ARAP2: variants seen among roughly 807,000 people sequenced by gnomAD.
ARAP2 encodes the protein ArfGAP with RhoGAP domain, ankyrin repeat and PH domain 2, also known as arf-GAP with Rho-GAP domain, ANK repeat and PH domain-containing protein 2.
ARAP2 carries 148 observed loss-of-function variants against 194.5 expected under a neutral mutation model. The ratio of observed to expected loss-of-function variants is 0.76; its 90% CI spans 0.67 to 0.87. The LOEUF is 0.87. Among genes scored for constraint, ARAP2 ranks in the 40% least tolerant of loss-of-function variants. The probability of loss-of-function intolerance (pLI) is 0.00; values close to 1 mark genes in which losing one functional copy is unlikely to be tolerated. For synonymous variants in ARAP2, 695 were observed against 683.5 expected (o/e 1.02, Z -0.26); for missense variants, 2,128 against 1,989.7 (o/e 1.07, Z -1.32).
intron 9 of ARAP2, among the ~76,000 whole-genome samples, chr4:36,167,583 AT>A (rs2109808877): frequency 6.6e-6 from 1 of 152,112 alleles, no homozygotes; most frequent in Non-Finnish European, 1.5e-5. Flanking sequence ...GTTTATCATT[AT>A]TTTTCCCCTC....
intron 30 of ARAP2, 134 bp from the exon 31 acceptor site, chr4:36,080,413 G>A (rs372442165): frequency 5.5e-5 from 37 of 667,904 alleles, no homozygotes; most frequent in Admixed American, 2.0e-4. Context: ...TCACAAAAGT[G>A]GAACATTTCA....
intron 8 of ARAP2, 110 bp downstream of exon 8, chr4:36,187,341 A>G (rs906569079): frequency 1.8e-6 from 1 of 553,104 alleles, no homozygotes; most frequent in Non-Finnish European, 2.8e-6. Context: ...AATGTAAATT[A>G]TCAAAAAGTA....
At chr4:36,062,662 G>GTGTT (rs760763090), downstream of ARAP2, among the ~76,000 whole-genome samples, 17 of 146,226 alleles carry the variant, frequency 1.2e-4, no homozygotes, top group African/African-American at 4.0e-4. Flanking sequence ...GTGTGTGTGT[G>GTGTT]TATAAAACAG....
At chr4:36,060,869 T>C (rs1190014548) in intron 1 of ARAP2, among the ~76,000 whole-genome samples, 2 of 152,142 alleles carry the variant, frequency 1.3e-5, no homozygotes, top group Non-Finnish European at 2.9e-5. Flanking sequence ...TCCTAATAAC[T>C]TCATTTTAAC....
At chr4:36,015,233 T>C (rs1489726837) in intron 8 of ARAP2, among the ~76,000 whole-genome samples, 2 of 152,214 alleles carry the variant, frequency 1.3e-5, no homozygotes, top group Non-Finnish European at 2.9e-5. Context: ...TCAAAATGCT[T>C]ACATAAATGA....
At chr4:36,062,642 G>GTA (rs983532276), downstream of ARAP2, among the ~76,000 whole-genome samples, 5 of 149,622 alleles carry the variant, frequency 3.3e-5, no homozygotes, top group African/African-American at 1.3e-4. Context: ...GAGTGTGTGT[G>GTA]TGTGTGTGTG....
At chr4:36,187,943 T>C (rs758184647) in intron 7 of ARAP2, among the ~76,000 whole-genome samples, 36 of 152,324 alleles carry the variant, frequency 2.4e-4, no homozygotes, top group Non-Finnish European at 4.7e-4. Flanking sequence ...CCACAACAGG[T>C]ACTGTAACTG....
chr4:36,184,517 A>T (rs1740058471), intron 8 of ARAP2, among the ~76,000 whole-genome samples: 1 of 152,244 alleles, frequency 6.6e-6, no homozygotes, highest in Non-Finnish European at 1.5e-5. Context: ...CCAAGTTTAT[A>T]TCAGAAAGAT....
chr4:36,096,477 A>G (rs10010705), intron 27 of ARAP2, among the ~76,000 whole-genome samples: 23,369 of 151,900 alleles, frequency 0.15, 4,026 homozygotes, highest in African/African-American at 0.43. Flanking sequence ...CACACCTAAA[A>G]TTAGCATAAG....
In ARAP2 at chr4:36,136,919, T is replaced by C. The variant is rs1479496952; in HGVS notation, c.3264-3530A>G. ...CACACTATTAGAATGGACACACACATACACGCGCGCGCGCACACACACACA... is the reference window on the plus strand; with the variant it reads ...CACACTATTAGAATGGACACACACACACACGCGCGCGCGCACACACACACA... On this transcript the variant is annotated intron_variant, in intron 19 of 32. Coordinates refer to ENST00000303965, the MANE Select transcript of ARAP2 (RefSeq NM_015230.4). 1.2e-4 allele frequency among the ~76,000 whole-genome samples: 9 copies of C among 75,890 alleles called. No individual in the cohort carries two copies. The East Asian group carries it at 3.6e-3, about 30-fold the overall frequency. 49.8% of individuals were successfully genotyped at this position (75,890 alleles called of 152,430 possible).
chr4:36,029,705 T>G (rs956741688), intron 5 of ARAP2, among the ~76,000 whole-genome samples: 1 of 151,964 alleles, frequency 6.6e-6, no homozygotes, highest in African/African-American at 2.4e-5. Flanking sequence ...TCTTTTCTAT[T>G]TTTCTTTGTT....
intron 16 of ARAP2, 104 bp from the exon 17 acceptor site, chr4:36,148,611 C>A (rs368334455): frequency 1.2e-6 from 1 of 818,202 alleles, no homozygotes; most frequent in Non-Finnish European, 1.9e-6. Context: ...TTAAAATAAA[C>A]TAATGTTATG....
downstream of ARAP2, among the ~76,000 whole-genome samples, chr4:36,062,150 T>C (rs1307718784): frequency 6.6e-6 from 1 of 152,228 alleles, no homozygotes; most frequent in Non-Finnish European, 1.5e-5. Flanking sequence ...TTTAACCTGA[T>C]GTGATCCCAT....
intron 15 of ARAP2, among the ~76,000 whole-genome samples, chr4:36,152,263 GT>G (rs1258366447): frequency 1.3e-5 from 2 of 152,150 alleles, no homozygotes; most frequent in African/African-American, 4.8e-5. Flanking sequence ...GCAATTCCTG[GT>G]CAAAGGTGAA....
At chr4:36,056,315 C>A (rs948942357) in intron 2 of ARAP2, among the ~76,000 whole-genome samples, 14 of 152,164 alleles carry the variant, frequency 9.2e-5, no homozygotes, top group Admixed American at 2.6e-4. Context: ...AACGTGAAAC[C>A]TGGACTGTGA....
chr4:36,234,331 A>G (rs1481520763), intron 1 of ARAP2, among the ~76,000 whole-genome samples: 2 of 152,188 alleles, frequency 1.3e-5, no homozygotes, highest in African/African-American at 4.8e-5. Flanking sequence ...GGGAAAACAA[A>G]CAAGCTCCTT....
chr4:36,227,983 G>T (rs1750690720), intron 2 of ARAP2, among the ~76,000 whole-genome samples: 1 of 151,884 alleles, frequency 6.6e-6, no homozygotes, highest in South Asian at 2.1e-4. Flanking sequence ...CCCTCTTTGG[G>T]GTCCCAGAGG....
chr4:36,224,174 AAG>A (rs1749757103), intron 2 of ARAP2, among the ~76,000 whole-genome samples: 1 of 151,870 alleles, frequency 6.6e-6, no homozygotes, highest in African/African-American at 2.4e-5. Flanking sequence ...CAAATAAAAA[AAG>A]AAACAACAAA....
intron 16 of ARAP2, among the ~76,000 whole-genome samples, chr4:36,150,412 G>A (rs1215599558): frequency 5.3e-5 from 8 of 152,048 alleles, no homozygotes; most frequent in African/African-American, 1.4e-4. Context: ...TTGGGAGGTC[G>A]GGGTGGGCGG....
Sources: gnomAD v4.1 joint callset for allele counts (sites outside exome capture counted in the v4.1 genomes callset) on GRCh38, gnomAD v4.1.1 for gene constraint, MANE v1.5 for transcripts, NCBI Gene and HGNC (gene_info 2026-07-23, HGNC 2026-07-21) for gene names.